Variants in TMEM163 observed in about 807,000 individuals in gnomAD.
TMEM163 encodes transmembrane protein 163.
In TMEM163, 17 loss-of-function variants were observed where a neutral mutation model predicts 29.3. That is an observed-to-expected ratio of 0.58 (90% CI 0.40 to 0.87). TMEM163 has a LOEUF of 0.87. TMEM163 is among the 40% of genes least tolerant of loss of function. The pLI is 0.00. For synonymous variants in TMEM163, 157 were observed against 160.6 expected (o/e 0.98, Z 0.17); for missense variants, 303 against 381.5 (o/e 0.79, Z 1.71).
intron 2 of TMEM163, among the ~76,000 whole-genome samples, chr2:134,593,419 GT>G (rs1681984412): frequency 3.9e-5 from 1 of 25,594 alleles, no homozygotes; most frequent in African/African-American, 4.4e-4. Flanking sequence ...CAAAGAGACA[GT>G]CAGTCCCCTC....
At chr2:134,478,052 G>C (rs961070498) in intron 5 of TMEM163, among the ~76,000 whole-genome samples, 1 of 152,168 alleles carries the variant, frequency 6.6e-6, no homozygotes, top group African/African-American at 2.4e-5. Context: ...TTGTTTAAAA[G>C]TCTGGAACCT....
intron 2 of TMEM163, among the ~76,000 whole-genome samples, chr2:134,625,887 C>G (rs1336681486): frequency 6.6e-6 from 1 of 152,200 alleles, no homozygotes; most frequent in East Asian, 1.9e-4. Context: ...TCTCCCCAAC[C>G]CGCTTACAGC....
Position 134,456,437 on chromosome 2 carries a change from C to T in TMEM163, c.*279G>A, listed in dbSNP as rs1331347284. 3 of 460,476 alleles carry T rather than the reference C, an allele frequency of 6.5e-6. No homozygotes were observed. The highest frequency in any genetic ancestry group is 6.1e-5 in the African/African-American group (3 of 49,568). The allele number at this position is 460,476 out of a possible 1,614,324, so 28.5% of individuals were successfully genotyped here. The stretch of plus-strand genomic sequence containing the variant: ...TTTCTGCCAAAGATCTCATCCTACC[C>T]ATGAGAACCATCATACTCCAGAGAC... On this transcript the variant is annotated 3_prime_UTR_variant, in exon 8 of 8. Coordinates refer to ENST00000281924, the MANE Select transcript of TMEM163 (RefSeq NM_030923.5).
intron 5 of TMEM163, among the ~76,000 whole-genome samples, chr2:134,479,026 C>T (rs776208113): frequency 3.3e-5 from 5 of 152,172 alleles, no homozygotes; most frequent in Non-Finnish European, 7.3e-5. Flanking sequence ...CTTGCTTCTT[C>T]CCCATGTGAG....
At chr2:134,478,867 C>T (rs1282969238) in intron 5 of TMEM163, among the ~76,000 whole-genome samples, 1 of 152,202 alleles carries the variant, frequency 6.6e-6, no homozygotes. Context: ...GCCCCAGAGG[C>T]CTCAGAGGAA....
At chr2:134,637,553 C>T (rs1157120962) in intron 2 of TMEM163, among the ~76,000 whole-genome samples, 1 of 152,198 alleles carries the variant, frequency 6.6e-6, no homozygotes, top group African/African-American at 2.4e-5. Flanking sequence ...TATAATCATA[C>T]AATTTCACAA....
At chr2:134,584,437 G>T (rs16830836) in intron 2 of TMEM163, among the ~76,000 whole-genome samples, 4,371 of 152,212 alleles carry the variant, frequency 0.029, 214 homozygotes, top group African/African-American at 0.099. Flanking sequence ...AATGTCCAGA[G>T]ATCATTATGT....
chr2:134,529,010 C>T (rs550199758), intron 4 of TMEM163, among the ~76,000 whole-genome samples: 2 of 152,242 alleles, frequency 1.3e-5, no homozygotes, highest in Non-Finnish European at 2.9e-5. Context: ...CAACAGAACA[C>T]GTACCATTAG....
intron 2 of TMEM163, among the ~76,000 whole-genome samples, chr2:134,647,247 G>C (rs896749160): frequency 6.6e-6 from 1 of 152,132 alleles, no homozygotes; most frequent in African/African-American, 2.4e-5. Flanking sequence ...ACTACATTTA[G>C]TAAACATTAA....
chr2:134,588,761 A>T (rs1000803293), intron 2 of TMEM163, among the ~76,000 whole-genome samples: 52 of 152,338 alleles, frequency 3.4e-4, no homozygotes, highest in Admixed American at 2.2e-3. Context: ...TCACAGGAGA[A>T]CAAGGGCCAT....
intron 5 of TMEM163, among the ~76,000 whole-genome samples, chr2:134,489,803 C>A (rs1574171784): frequency 6.6e-6 from 1 of 152,236 alleles, no homozygotes; most frequent in South Asian, 2.1e-4. Flanking sequence ...TGAACGAGGG[C>A]GAATAATCTG....
intron 4 of TMEM163, among the ~76,000 whole-genome samples, chr2:134,540,072 G>C (rs1161076109): frequency 6.6e-6 from 1 of 152,204 alleles, no homozygotes; most frequent in African/African-American, 2.4e-5. Flanking sequence ...AAGTGTCCAA[G>C]GGTAACCATC....
intron 5 of TMEM163, among the ~76,000 whole-genome samples, chr2:134,498,287 C>T (rs1041137495): frequency 7.2e-5 from 11 of 152,070 alleles, no homozygotes; most frequent in Non-Finnish European, 1.3e-4. Context: ...CCACGCATCC[C>T]CCCTTCTCCT....
chr2:134,691,586 G>A (rs1229342927), intron 2 of TMEM163, among the ~76,000 whole-genome samples: 2 of 152,134 alleles, frequency 1.3e-5, no homozygotes, highest in African/African-American at 2.4e-5. Context: ...ACATGCGCAC[G>A]TACACCCTTG....
intron 2 of TMEM163, among the ~76,000 whole-genome samples, chr2:134,662,989 C>A (rs1683789290): frequency 6.6e-6 from 1 of 152,180 alleles, no homozygotes; most frequent in Non-Finnish European, 1.5e-5. Flanking sequence ...TGGGATCAGG[C>A]CCCCTCCACA....
chr2:134,654,119 G>C lies in TMEM163; in HGVS notation c.322+59081C>G, dbSNP rs544767144. Among the ~76,000 whole-genome samples the C allele has an allele frequency of 3.6e-4, 34 of 95,002 alleles. 5 individuals carry two copies. The highest frequency in any genetic ancestry group is 2.1e-3 in the South Asian group (7 of 3,264). 62.3% of individuals were successfully genotyped at this position (95,002 alleles called of 152,430 possible). A position where few individuals can be genotyped will look rare whatever the true frequency, so the allele number is the denominator to read the frequency against. On this transcript the variant is annotated intron_variant, in intron 2 of 7. Coordinates refer to ENST00000281924, the MANE Select transcript of TMEM163 (RefSeq NM_030923.5). ...GGTATCCTTGTTGACTTTCTGTCTC[G>C]TTGATCTGTCTAATGTTGACAGTGG... is the stretch of plus-strand genomic sequence containing the variant.
chr2:134,605,072 G>A (rs1284459638), intron 2 of TMEM163, among the ~76,000 whole-genome samples: 3 of 151,784 alleles, frequency 2.0e-5, no homozygotes, highest in Non-Finnish European at 4.4e-5. Context: ...AACTACTTGG[G>A]AGGCTGAGGC....
chr2:134,525,609 C>G (rs1440869006), intron 4 of TMEM163, among the ~76,000 whole-genome samples: 1 of 152,124 alleles, frequency 6.6e-6, no homozygotes, highest in African/African-American at 2.4e-5. Context: ...TTGAGAATAC[C>G]CTCTGGGCTA....
At chr2:134,713,429 G>A (rs1573557507) in intron 1 of TMEM163, 110 bp from the exon 2 acceptor site, 1 of 1,489,966 alleles carries the variant, frequency 6.7e-7, no homozygotes, top group South Asian at 1.2e-5. Context: ...CGTGGGCCAA[G>A]ACGTGTTTTG....
Sources: allele counts gnomAD v4.1 joint callset (sites outside exome capture counted in the v4.1 genomes callset), GRCh38; gene constraint gnomAD v4.1.1; transcripts MANE v1.5; gene names NCBI Gene and HGNC (gene_info 2026-07-23, HGNC 2026-07-21).